LHFPL3: variants seen among roughly 807,000 people sequenced by gnomAD.
LHFPL3 encodes the protein LHFPL tetraspan subfamily member 3 protein.
In LHFPL3, 5 loss-of-function variants were observed where a neutral mutation model predicts 19.3. The observed-to-expected ratio is 0.26, with a 90% CI of 0.14 to 0.54. The LOEUF is 0.54. Ranked by LOEUF, LHFPL3 falls within the 20% of genes least tolerant of loss-of-function variation. The pLI, the probability that LHFPL3 is intolerant of heterozygous loss-of-function variation, is 0.94. For synonymous variants in LHFPL3, 133 were observed against 126.2 expected (o/e 1.05, Z -0.36); for missense variants, 249 against 307.4 (o/e 0.81, Z 1.42).
chr7:104,825,976 T>A (rs1013337417), intron 2 of LHFPL3, among the ~76,000 whole-genome samples: 2 of 151,932 alleles, frequency 1.3e-5, no homozygotes, highest in Non-Finnish European at 1.5e-5. Context: ...GCTGGACACA[T>A]TGCCGCCCCC....
chr7:104,812,673 A>C (rs1379720306), intron 2 of LHFPL3, among the ~76,000 whole-genome samples: 2 of 151,112 alleles, frequency 1.3e-5, no homozygotes, highest in African/African-American at 4.9e-5. Flanking sequence ...GCGAGGTGTC[A>C]GGCACCTGTA....
Position 104,683,551 on chromosome 7 carries a change from C to A in LHFPL3, c.446-53124C>A, listed in dbSNP as rs75392903. Reference sequence around the variant, plus strand: ...GTTGGTGATTTCTTAGTATTGATTCCCCCCAAAATAAATCACTAGGTCAAA... The same window carrying A: ...GTTGGTGATTTCTTAGTATTGATTCACCCCAAAATAAATCACTAGGTCAAA... On this transcript the variant is annotated intron_variant, in intron 1 of 2. Transcript: ENST00000424859. Among the ~76,000 whole-genome samples the A allele has an allele frequency of 1.6e-3, 240 of 151,842 alleles. 7 individuals are homozygous for A. In the East Asian group the frequency reaches 0.042, roughly 26 times the overall value.
chr7:104,621,842 C>T (rs1206907536), intron 1 of LHFPL3, among the ~76,000 whole-genome samples: 1 of 152,088 alleles, frequency 6.6e-6, no homozygotes, highest in African/African-American at 2.4e-5. Context: ...TTTATAGCAA[C>T]TTCGAAATCT....
At position 104,870,447 on chromosome 7, in the gene LHFPL3, C is replaced by A. The variant is rs1791812056; in HGVS notation, c.683-35740C>A. Reference sequence around the variant, plus strand: ...GAATGGGAACATCTGTCTCCCAGGGCAAGGATTCCAGGTGAAAATGTATGA... The same window carrying A: ...GAATGGGAACATCTGTCTCCCAGGGAAAGGATTCCAGGTGAAAATGTATGA... On this transcript the variant is annotated intron_variant, in intron 2 of 2. Coordinates refer to ENST00000424859, the MANE Select transcript of LHFPL3 (RefSeq NM_199000.3). Among the ~76,000 whole-genome samples the A allele has an allele frequency of 2.0e-5, 3 of 152,218 alleles. No homozygotes were observed. The South Asian group carries it at 6.2e-4, about 32-fold the overall frequency.
intron 2 of LHFPL3, among the ~76,000 whole-genome samples, chr7:104,851,138 G>A (rs994036360): frequency 5.9e-5 from 9 of 152,248 alleles, no homozygotes; most frequent in Non-Finnish European, 7.3e-5. Flanking sequence ...CTTCAGATGG[G>A]ATTGTAATGT....
At chr7:104,423,093 A>G (rs918124350) in intron 1 of LHFPL3, among the ~76,000 whole-genome samples, 9 of 152,174 alleles carry the variant, frequency 5.9e-5, no homozygotes, top group African/African-American at 1.9e-4. Context: ...TACAGAGTGC[A>G]TAAGGTCAGT....
intron 2 of LHFPL3, among the ~76,000 whole-genome samples, chr7:104,882,299 G>A (rs189551650): frequency 6.6e-6 from 1 of 152,076 alleles, no homozygotes; most frequent in Non-Finnish European, 1.5e-5. Flanking sequence ...CCAGACTGGA[G>A]TGCAGTGGCA....
chr7:104,487,298 G>A (rs1793253721), intron 1 of LHFPL3, among the ~76,000 whole-genome samples: 1 of 152,182 alleles, frequency 6.6e-6, no homozygotes, highest in South Asian at 2.1e-4. Flanking sequence ...AAATAAAGGT[G>A]AGCTATACAT....
At chr7:104,395,783 T>C (rs1791171099) in intron 1 of LHFPL3, among the ~76,000 whole-genome samples, 3 of 152,228 alleles carry the variant, frequency 2.0e-5, no homozygotes, top group Admixed American at 2.0e-4. Context: ...TATAAAGGAC[T>C]AAGTCACAAT....
At chr7:104,878,697 G>C (rs1791992817) in intron 2 of LHFPL3, among the ~76,000 whole-genome samples, 1 of 152,146 alleles carries the variant, frequency 6.6e-6, no homozygotes, top group Non-Finnish European at 1.5e-5. Flanking sequence ...TCAAAAGCTA[G>C]AAATGACTAA....
intron 2 of LHFPL3, among the ~76,000 whole-genome samples, chr7:104,880,262 G>A (rs1016029426): frequency 9.9e-5 from 15 of 152,006 alleles, no homozygotes; most frequent in Non-Finnish European, 2.1e-4. Flanking sequence ...GTTTAAAAGA[G>A]TGTGGCACTT....
At chr7:104,386,866 C>T (rs1384591669) in intron 1 of LHFPL3, among the ~76,000 whole-genome samples, 1 of 152,088 alleles carries the variant, frequency 6.6e-6, no homozygotes, top group Non-Finnish European at 1.5e-5. Flanking sequence ...CAACTAAAAA[C>T]CCTGGGTGGG....
intron 2 of LHFPL3, among the ~76,000 whole-genome samples, chr7:104,758,343 C>T (rs981728628): frequency 2.6e-5 from 4 of 151,824 alleles, no homozygotes; most frequent in Middle Eastern, 3.2e-3. Flanking sequence ...CATGTACCCC[C>T]GAATCTAAAA....
chr7:104,364,569 G>A (rs1252085586), intron 1 of LHFPL3, among the ~76,000 whole-genome samples: 1 of 152,222 alleles, frequency 6.6e-6, no homozygotes, highest in African/African-American at 2.4e-5. Flanking sequence ...AGTTCTAGCA[G>A]TGGAGAATGC....
At chr7:104,346,699 C>T (rs527608630) in intron 1 of LHFPL3, among the ~76,000 whole-genome samples, 3 of 151,730 alleles carry the variant, frequency 2.0e-5, no homozygotes, top group Non-Finnish European at 4.4e-5. Context: ...AATAAAAATA[C>T]CAAATGAAAT....
rs556031652 is a variant in LHFPL3 at position 104,345,047 on chromosome 7, T to C, written c.445+15823T>C. 5.4e-4 allele frequency among the ~76,000 whole-genome samples: 82 copies of C among 152,338 alleles called. 1 individual carries two copies. In the South Asian group the frequency reaches 0.016, roughly 30 times the overall value. On this transcript the variant is annotated intron_variant, in intron 1 of 2. Coordinates refer to ENST00000424859, the MANE Select transcript of LHFPL3 (RefSeq NM_199000.3). Reference sequence around the variant, plus strand: ...AAACTGTTTGAGACTGGTATTTCTTTATGGAAGGATTTTTATACTACTATT... The same window carrying C: ...AAACTGTTTGAGACTGGTATTTCTTCATGGAAGGATTTTTATACTACTATT...
chr7:104,558,847 G>A (rs1344649278), intron 1 of LHFPL3, among the ~76,000 whole-genome samples: 24 of 144,352 alleles, frequency 1.7e-4, no homozygotes, highest in African/African-American at 6.5e-4. Flanking sequence ...ATCTTGAATT[G>A]ATTTTTGTGT....
intron 1 of LHFPL3, among the ~76,000 whole-genome samples, chr7:104,601,137 A>C (rs1273622626): frequency 2.0e-5 from 3 of 152,188 alleles, no homozygotes; most frequent in Admixed American, 2.0e-4. Flanking sequence ...CATCAGTAAT[A>C]TCTCTCCTTA....
chr7:104,778,659 C>A lies in LHFPL3; in HGVS notation c.682+41748C>A, dbSNP rs147507637. On this transcript the variant is annotated intron_variant, in intron 2 of 2. Transcript: ENST00000424859. ...TCCTACTTAGGGCTCACTTTCCCCT[C>A]GCACTATCATCTACCACTTCTCCGC... 2.6e-4 allele frequency among the ~76,000 whole-genome samples: 40 copies of A among 152,350 alleles called. No homozygotes were observed. In the East Asian group the frequency reaches 6.9e-3, roughly 26 times the overall value.
Sources: gnomAD v4.1 joint callset for allele counts (sites outside exome capture counted in the v4.1 genomes callset) on GRCh38, gnomAD v4.1.1 for gene constraint, MANE v1.5 for transcripts, NCBI Gene and HGNC (gene_info 2026-07-23, HGNC 2026-07-21) for gene names.